Variants in GALNT10 observed in about 807,000 individuals in gnomAD.
The protein encoded by GALNT10 is GalNAc transferase 10.
GALNT10 carries 41 observed loss-of-function variants against 75.0 expected under a neutral mutation model. That is an observed-to-expected ratio of 0.55 (90% CI 0.43 to 0.71). The LOEUF (loss-of-function observed/expected upper bound fraction) is 0.71. Among genes scored for constraint, GALNT10 ranks in the 30% least tolerant of loss-of-function variants. GALNT10 has a pLI of 0.00. For missense variants in GALNT10, 727 were observed against 818.5 expected (o/e 0.89, Z 1.36); for synonymous variants, 302 against 313.0 (o/e 0.96, Z 0.37).
chr5:154,230,039 T>A (rs1753124364), intron 1 of GALNT10, among the ~76,000 whole-genome samples: 1 of 124,230 alleles, frequency 8.0e-6, no homozygotes, highest in South Asian at 2.6e-4. Flanking sequence ...TTCAGTCCAG[T>A]GGGAAAAAGG....
chr5:154,248,482 T>G (rs565466264), intron 1 of GALNT10, among the ~76,000 whole-genome samples: 3 of 152,392 alleles, frequency 2.0e-5, no homozygotes, highest in African/African-American at 7.2e-5. Flanking sequence ...ATTGCCTCAA[T>G]TTCAGAGCCT....
chr5:154,415,963 C>T, intron 11 of GALNT10, 31 bp downstream of exon 11: 1 of 1,606,340 alleles, frequency 6.2e-7, no homozygotes. Flanking sequence ...AGCAGGGCAC[C>T]TGCTTAATTT....
At chr5:154,344,305 G>C (rs1319040519) in intron 4 of GALNT10, among the ~76,000 whole-genome samples, 3 of 150,014 alleles carry the variant, frequency 2.0e-5, no homozygotes, top group Non-Finnish European at 4.4e-5. Context: ...TCCACCTCCT[G>C]GGTTCAAGTG....
rs538410606 is a variant in GALNT10, at chr5:154,417,560, T to C, written c.*588T>C. ...GGTGATTTGGTCCGGTCAAAGGCCA[T>C]ACTTGGGGCCCTAAGAGTGTTCAGT... On this transcript the variant is annotated 3_prime_UTR_variant, in exon 12 of 12. Coordinates refer to ENST00000297107, the MANE Select transcript of GALNT10 (RefSeq NM_198321.4). 2 of 153,570 alleles carry C rather than the reference T, an allele frequency of 1.3e-5. No individual in the cohort carries two copies. The highest frequency in any genetic ancestry group is 3.9e-4 in the East Asian group (2 of 5,194). The allele number at this position is 153,570 out of a possible 1,614,324, so 9.5% of individuals were successfully genotyped here. A position where few individuals can be genotyped will look rare whatever the true frequency, so the allele number is the denominator to read the frequency against.
chr5:154,415,249 T>A (rs1756480818), intron 10 of GALNT10, among the ~76,000 whole-genome samples: 1 of 152,216 alleles, frequency 6.6e-6, no homozygotes, highest in Non-Finnish European at 1.5e-5. Flanking sequence ...ATACCTGACA[T>A]GATATGATAG....
intron 1 of GALNT10, among the ~76,000 whole-genome samples, chr5:154,253,046 GT>G (rs1195881867): frequency 8.4e-4 from 114 of 135,156 alleles, no homozygotes; most frequent in Non-Finnish European, 1.7e-3. Context: ...TTGTGAAATG[GT>G]TTTTTTTCTT....
chr5:154,285,751 T>C (rs1430806686), intron 1 of GALNT10, among the ~76,000 whole-genome samples: 1 of 152,054 alleles, frequency 6.6e-6, no homozygotes, highest in African/African-American at 2.4e-5. Flanking sequence ...CAAGAGAGCT[T>C]TCCAAATGCA....
intron 4 of GALNT10, among the ~76,000 whole-genome samples, chr5:154,359,088 G>T (rs1755342710): frequency 6.6e-6 from 1 of 152,162 alleles, no homozygotes; most frequent in African/African-American, 2.4e-5. Context: ...GTGTTGTAAG[G>T]AAACCAGTAA....
chr5:154,263,372 A>G (rs569343072), intron 1 of GALNT10, among the ~76,000 whole-genome samples: 2 of 152,316 alleles, frequency 1.3e-5, no homozygotes, highest in African/African-American at 4.8e-5. Context: ...TGAAAACGTT[A>G]TACTACGTGA....
At chr5:154,229,768 G>T (rs1042694033) in intron 1 of GALNT10, among the ~76,000 whole-genome samples, 1 of 151,878 alleles carries the variant, frequency 6.6e-6, no homozygotes, top group South Asian at 2.1e-4. Context: ...ATGCAATCAC[G>T]GACCAGGACA....
At chr5:154,406,033 T>C (rs1050333902) in intron 8 of GALNT10, 9 of 152,060 alleles carry the variant, frequency 5.9e-5, no homozygotes, top group African/African-American at 1.9e-4. Flanking sequence ...TTTACTTATC[T>C]CACTTAATTC....
chr5:154,415,926 C>T lies in GALNT10; in HGVS notation c.1647C>T (p.Tyr549=), dbSNP rs1243389495. The part of the protein sequence containing the change: ...HSMKGNQLWK[Y]RKDKTLYHPV... ...TGAAGGGCAACCAGCTGTGGAAATA[C>T]CGCAAAGTAAGATGGGATGCGGGGG... Residue 549 remains tyrosine, a synonymous_variant, in exon 11 of 12, where the codon TAC becomes TAT. Coordinates refer to ENST00000297107, the MANE Select transcript of GALNT10 (RefSeq NM_198321.4). 1.9e-6 allele frequency: 3 copies of T among 1,613,950 alleles called. No homozygotes were observed. Among genetic ancestry groups the T allele is most frequent in the East Asian group, 2.2e-5 (1 of 44,876 alleles).
intron 3 of GALNT10, among the ~76,000 whole-genome samples, chr5:154,316,051 G>C (rs1349876329): frequency 6.6e-6 from 1 of 152,162 alleles, no homozygotes; most frequent in Non-Finnish European, 1.5e-5. Flanking sequence ...ACATTGAATG[G>C]ACATCATCAA....
At chr5:154,394,759 C>G (rs998095603) in intron 7 of GALNT10, among the ~76,000 whole-genome samples, 15 of 152,320 alleles carry the variant, frequency 9.8e-5, no homozygotes, top group Middle Eastern at 3.4e-3. Flanking sequence ...ATACATTTCC[C>G]CATCCTTTTC....
chr5:154,191,239 G>C (rs1056938506), intron 1 of GALNT10, among the ~76,000 whole-genome samples: 3 of 152,134 alleles, frequency 2.0e-5, no homozygotes, highest in African/African-American at 7.2e-5. Flanking sequence ...TAGCACTCAG[G>C]ACGCTATTTC....
intron 4 of GALNT10, among the ~76,000 whole-genome samples, chr5:154,368,333 TGAGG>T (rs1288005655): frequency 6.6e-6 from 1 of 152,234 alleles, no homozygotes; most frequent in East Asian, 1.9e-4. Flanking sequence ...ATGCTCTCGC[TGAGG>T]TTCAGTCGGC....
chr5:154,240,075 T>C (rs1753307317), intron 1 of GALNT10, among the ~76,000 whole-genome samples: 1 of 152,244 alleles, frequency 6.6e-6, no homozygotes, highest in South Asian at 2.1e-4. Flanking sequence ...GCTTCCCTTG[T>C]AGTGTTGCCC....
intron 10 of GALNT10, among the ~76,000 whole-genome samples, chr5:154,413,986 G>A (rs1159035598): frequency 2.0e-5 from 3 of 151,846 alleles, no homozygotes; most frequent in African/African-American, 7.3e-5. Flanking sequence ...ATTTTAAAGC[G>A]GGCAGATACT....
chr5:154,418,166 C>CAA lies in GALNT10; in HGVS notation c.*1196_*1197dup, dbSNP rs1756553611. 1 of 152,216 alleles carries CAA rather than the reference C, an allele frequency of 6.6e-6. No homozygotes were observed. Among genetic ancestry groups the CAA allele is most frequent in the African/African-American group, 2.4e-5 (1 of 41,442 alleles). The allele number at this position is 152,216 out of a possible 1,614,324, so 9.4% of individuals were successfully genotyped here. A position where few individuals can be genotyped will look rare whatever the true frequency, so the allele number is the denominator to read the frequency against. On this transcript the variant is annotated 3_prime_UTR_variant, in exon 12 of 12. Coordinates refer to ENST00000297107, the MANE Select transcript of GALNT10 (RefSeq NM_198321.4). ...CAGCCTAGAGACAATCTGTGAAATC[C>CAA]AAAGTTGGTGGTGTTGGGAAAGCAG...
Sources: gnomAD v4.1 joint callset for allele counts (sites outside exome capture counted in the v4.1 genomes callset) on GRCh38, gnomAD v4.1.1 for gene constraint, MANE v1.5 for transcripts, NCBI Gene and HGNC (gene_info 2026-07-23, HGNC 2026-07-21) for gene names.